GKAP1: variants seen among roughly 807,000 people sequenced by gnomAD.
GKAP1 encodes the protein G kinase anchoring protein 1, also known as G kinase-anchoring protein 1.
Under a neutral mutation model 56.7 loss-of-function variants are expected in GKAP1, and 31 were observed. That is an observed-to-expected ratio of 0.55 (90% confidence interval 0.41 to 0.74). The LOEUF is 0.74. Ranked by LOEUF, GKAP1 falls within the 30% of genes least tolerant of loss-of-function variation. The pLI is 0.00. For synonymous variants in GKAP1, 151 were observed against 138.6 expected, an observed-to-expected ratio of 1.09 and a Z score of -0.63; for missense variants, 364 against 402.3, an observed-to-expected ratio of 0.90 and a Z score of 0.82.
intron 10 of GKAP1, among the ~76,000 whole-genome samples, chr9:83,743,911 G>A (rs953853902): frequency 5.3e-5 from 8 of 152,252 alleles, no homozygotes; most frequent in African/African-American, 1.9e-4. Context: ...GCTAATGTAT[G>A]AAAAACTAAC....
At chr9:83,782,400 C>T (rs1943989627) in intron 6 of GKAP1, among the ~76,000 whole-genome samples, 1 of 151,456 alleles carries the variant, frequency 6.6e-6, no homozygotes, top group African/African-American at 2.4e-5. Flanking sequence ...CTCTTGTTGC[C>T]CAGGCTGGAG....
chr9:83,805,233 C>A (rs1429536855), intron 3 of GKAP1, among the ~76,000 whole-genome samples: 2 of 152,092 alleles, frequency 1.3e-5, no homozygotes. Context: ...AAGGGCGGTG[C>A]AAGATGTGCT....
chr9:83,759,550 A>T (rs975611003), intron 8 of GKAP1, among the ~76,000 whole-genome samples: 1 of 152,194 alleles, frequency 6.6e-6, no homozygotes, highest in Non-Finnish European at 1.5e-5. Context: ...GTTGCTATGT[A>T]TAACTACAAC....
intron 3 of GKAP1, among the ~76,000 whole-genome samples, chr9:83,805,036 G>A (rs1944415213): frequency 6.6e-6 from 1 of 152,242 alleles, no homozygotes; most frequent in African/African-American, 2.4e-5. Context: ...GGGGGGGAAA[G>A]GTGGGGAAAA....
intron 10 of GKAP1, among the ~76,000 whole-genome samples, chr9:83,744,349 C>T (rs944101525): frequency 2.0e-5 from 3 of 152,146 alleles, no homozygotes; most frequent in African/African-American, 7.2e-5. Context: ...GAGAAAACCA[C>T]ACCCACATGT....
chr9:83,746,064 T>C (rs1410912124), intron 10 of GKAP1, among the ~76,000 whole-genome samples: 1 of 152,148 alleles, frequency 6.6e-6, no homozygotes, highest in African/African-American at 2.4e-5. Flanking sequence ...GTGCTGGGAT[T>C]ATAGGCATGA....
At chr9:83,789,669 C>A (rs4297107) in intron 4 of GKAP1, among the ~76,000 whole-genome samples, 1 of 151,976 alleles carries the variant, frequency 6.6e-6, no homozygotes, top group Admixed American at 6.6e-5. Context: ...CCATACCACA[C>A]AAACACCCAA....
Position 83,806,464 on chromosome 9 carries a change from C to T in GKAP1, c.54G>A (p.Leu18=). 1 of 1,614,104 alleles carries T rather than the reference C, an allele frequency of 6.2e-7. No individual in the cohort carries two copies. The highest frequency in any genetic ancestry group is 8.5e-7 in the Non-Finnish European group (1 of 1,180,004). The change falls in exon 3 of 13, where the codon CTG becomes CTA. Residue 18 remains leucine, a synonymous_variant. Transcript: ENST00000376371. Reference sequence around the variant, plus strand: ...AGCCACTGCCACTATCCACTTGTAACAGGGCAAAACGAGAAGCGGTGGTGG... The same window carrying T: ...AGCCACTGCCACTATCCACTTGTAATAGGGCAAAACGAGAAGCGGTGGTGG... ...SVPTTASRFA[L]LQVDSGSGSD... is the part of the protein sequence containing the mutation.
Position 83,800,292 on chromosome 9 carries a change from T to A in GKAP1, c.217-964A>T, listed in dbSNP as rs556855344. On this transcript the variant is annotated intron_variant, in intron 3 of 12. Coordinates refer to ENST00000376371, the MANE Select transcript of GKAP1 (RefSeq NM_025211.4). ...TAGCCCTGTTCTGCAAGGAGCAGTTTAAAAAAAAAAAAAGTTTAGCCTAAA... is the reference window on the plus strand; with the variant it reads ...TAGCCCTGTTCTGCAAGGAGCAGTTAAAAAAAAAAAAAAGTTTAGCCTAAA... 7.1e-5 allele frequency among the ~76,000 whole-genome samples: 10 copies of A among 140,874 alleles called. No homozygotes were observed. In the East Asian group the frequency reaches 8.1e-4, roughly 11 times the overall value. 92.4% of individuals were successfully genotyped at this position (140,874 alleles called of 152,430 possible).
At chr9:83,809,970 G>C (rs1265867116) in intron 2 of GKAP1, among the ~76,000 whole-genome samples, 1 of 152,008 alleles carries the variant, frequency 6.6e-6, no homozygotes, top group Non-Finnish European at 1.5e-5. Flanking sequence ...ACCATGCCTG[G>C]CTAATTTTTT....
chr9:83,784,471 T>C (rs1375049836), intron 6 of GKAP1, among the ~76,000 whole-genome samples: 2 of 152,186 alleles, frequency 1.3e-5, no homozygotes, highest in African/African-American at 4.8e-5. Context: ...CATCTTGATA[T>C]TGGACTTCCC....
In GKAP1 at chr9:83,796,056, T is replaced by G. The variant is rs553333682; in HGVS notation, c.360+3129A>C. Reference sequence around the variant, plus strand: ...AATTAGAATCTAATTCTTAAAACGCTTAAATTTGGTGTTCTTTTCAAGCTT... The same window carrying G: ...AATTAGAATCTAATTCTTAAAACGCGTAAATTTGGTGTTCTTTTCAAGCTT... On this transcript the variant is annotated intron_variant, in intron 4 of 12. Transcript: ENST00000376371. Among the ~76,000 whole-genome samples the G allele has an allele frequency of 9.2e-5, 14 of 152,326 alleles. 1 individual carries two copies. In the South Asian group the frequency reaches 2.9e-3, roughly 32 times the overall value.
At chr9:83,742,627 T>C (rs1564186000) in intron 10 of GKAP1, 27 bp from the exon 11 acceptor site, 1 of 1,526,224 alleles carries the variant, frequency 6.6e-7, no homozygotes, top group Non-Finnish European at 9.1e-7. Context: ...AACAGCAGTA[T>C]AGATTTTCCA....
chr9:83,813,838 A>G (rs557493115), intron 2 of GKAP1, among the ~76,000 whole-genome samples: 91 of 152,330 alleles, frequency 6.0e-4, no homozygotes, highest in Middle Eastern at 3.4e-3. Flanking sequence ...GGTGGTTCAC[A>G]CCTGTAATCC....
chr9:83,780,938 T>G (rs1171716519), intron 6 of GKAP1, among the ~76,000 whole-genome samples: 1 of 152,212 alleles, frequency 6.6e-6, no homozygotes, highest in Non-Finnish European at 1.5e-5. Context: ...TGATATATAT[T>G]TATAGACTTA....
intron 8 of GKAP1, among the ~76,000 whole-genome samples, chr9:83,765,311 C>G (rs541650970): frequency 6.6e-6 from 1 of 152,174 alleles, no homozygotes; most frequent in East Asian, 1.9e-4. Flanking sequence ...TTTCAGAGGA[C>G]GTATGGAAAC....
At position 83,759,842 on chromosome 9, in the gene GKAP1, T is replaced by G. The variant is rs113733907; in HGVS notation, c.739-6483A>C. On this transcript the variant is annotated intron_variant, in intron 8 of 12. Transcript: ENST00000376371. Reference sequence around the variant, plus strand: ...CTAGGCACTGCAGTGAAATTAATATTACTGTAATAAACTTTGCTTTCTGCT... The same window carrying G: ...CTAGGCACTGCAGTGAAATTAATATGACTGTAATAAACTTTGCTTTCTGCT... Among the ~76,000 whole-genome samples, 13 of 152,344 alleles carry G rather than the reference T, an allele frequency of 8.5e-5. 1 individual carries two copies. The highest frequency in any genetic ancestry group is 3.1e-4 in the African/African-American group (13 of 41,592).
At chr9:83,793,002 GCCT>G (rs1944187489) in intron 4 of GKAP1, 1 of 1,278,018 alleles carries the variant, frequency 7.8e-7, no homozygotes, top group Non-Finnish European at 1.0e-6. Context: ...CTTCCTCATT[GCCT>G]CCTACTCCCC....
intron 8 of GKAP1, among the ~76,000 whole-genome samples, chr9:83,764,780 C>T (rs1943633394): frequency 6.6e-6 from 1 of 152,108 alleles, no homozygotes; most frequent in Admixed American, 6.5e-5. Context: ...TTTGCCCCTG[C>T]CCTAGAGATC....
Sources: allele counts gnomAD v4.1 joint callset (sites outside exome capture counted in the v4.1 genomes callset), GRCh38; gene constraint gnomAD v4.1.1; transcripts MANE v1.5; gene names NCBI Gene and HGNC (gene_info 2026-07-23, HGNC 2026-07-21).